The following HSP90AB1 variants were observed in gnomAD, a reference collection of about 807,000 sequenced individuals.
HSP90AB1 encodes the protein heat shock protein HSP 90-beta.
A neutral mutation model predicts 67.8 loss-of-function variants in HSP90AB1; 17 were observed. The ratio of observed to expected loss-of-function variants is 0.25; its 90% CI spans 0.17 to 0.38. The LOEUF is 0.38. HSP90AB1 is among the 10% of genes least tolerant of loss of function. The pLI is 1.00. For synonymous variants in HSP90AB1, 390 were observed against 312.9 expected (o/e 1.25, Z -2.60); for missense variants, 690 against 899.9 (o/e 0.77, Z 2.98).
intron 1 of HSP90AB1, chr6:44,247,897 CTGCGGCGCCCCCTCCT>C (rs1780135894): frequency 6.6e-6 from 1 of 152,224 alleles, no homozygotes; most frequent in Admixed American, 6.5e-5. Flanking sequence ...GGAGGGTGCA[CTGCGGCGCCCCCTCCT>C]CGCGTGGTCC....
chr6:44,253,557 G>T lies in HSP90AB1; in HGVS notation c.2134G>T (p.Glu712Ter), dbSNP rs372383252. The T allele has an allele frequency of 6.2e-7, 1 of 1,614,118 alleles. No individual in the cohort carries two copies. The highest frequency in any genetic ancestry group is 8.5e-7 in the Non-Finnish European group (1 of 1,179,984). The change falls in exon 12 of 12, where the codon GAG becomes TAG. Residue 712 changes from glutamate (E) to a stop codon, truncating the protein, a stop_gained. Coordinates refer to ENST00000371646, the MANE Select transcript of HSP90AB1 (RefSeq NM_007355.4). LOFTEE classifies it high-confidence loss of function. ...AGTTCCTGATGAGATCCCCCCTCTCGAGGGCGATGAGGATGCGTCTCGCAT... is the reference window on the plus strand; with the variant it reads ...AGTTCCTGATGAGATCCCCCCTCTCTAGGGCGATGAGGATGCGTCTCGCAT... Reference protein sequence around the residue: ...AAVPDEIPPLEGDEDASRMEE... With the variant: ...AAVPDEIPPL
At chr6:44,246,561 C>T (rs1001670286), upstream of HSP90AB1, among the ~76,000 whole-genome samples, 1 of 152,226 alleles carries the variant, frequency 6.6e-6, no homozygotes, top group Admixed American at 6.5e-5. Context: ...TGCCCCTCAG[C>T]GCGAACCCTC....
chr6:44,249,091 T>C (rs1345573750), intron 2 of HSP90AB1, among the ~76,000 whole-genome samples: 1 of 152,218 alleles, frequency 6.6e-6, no homozygotes, highest in Non-Finnish European at 1.5e-5. Context: ...GCGTGTTGGC[T>C]CACACCTGTA....
chr6:44,251,347 C>G, intron 7 of HSP90AB1, 71 bp from the exon 8 acceptor site: 2 of 1,534,842 alleles, frequency 1.3e-6, no homozygotes, highest in Non-Finnish European at 1.8e-6. Context: ...TTAGAGCCTT[C>G]TGTTTGAATC....
rs745529589 is a variant in HSP90AB1, at chr6:44,251,099, C to T, written c.1009C>T (p.Arg337Cys). 18 of 1,613,920 alleles carry T rather than the reference C, an allele frequency of 1.1e-5. No homozygotes were observed. The highest frequency in any genetic ancestry group is 2.2e-5 in the East Asian group (1 of 44,896). ...ATTCAGGGCATTGCTATTTATTCCT[C>T]GTCGGGCTCCCTTTGACCTTTTTGA... is the stretch of plus-strand genomic sequence containing the variant. ...LEFRALLFIP[R>C]RAPFDLFENK... Residue 337 changes from arginine to cysteine, a missense_variant, in exon 7 of 12, where the codon CGT becomes TGT. This residue lies in a region of HSP90AB1 where 101 missense variants were observed against 174.8 expected (regional missense o/e 0.58). Coordinates refer to ENST00000371646, the MANE Select transcript of HSP90AB1 (RefSeq NM_007355.4).
In HSP90AB1 at chr6:44,249,369, A is replaced by G. The variant is rs778607294; in HGVS notation, c.148-8A>G. ...AGAGCAAAAGTAAGTTGCTGTTTGT[A>G]TTTCCAGGCCTTGGACAAGATTCGC... On this transcript the variant is annotated splice_polypyrimidine_tract_variant and splice_region_variant and intron_variant, in intron 2 of 11. Transcript: ENST00000371646. The G allele has an allele frequency of 1.2e-6, 2 of 1,611,888 alleles. No individual in the cohort carries two copies. Among genetic ancestry groups the G allele is most frequent in the Non-Finnish European group, 1.7e-6 (2 of 1,178,038 alleles).
At chr6:44,249,340 G>A (rs775080371) in intron 2 of HSP90AB1, 37 bp from the exon 3 acceptor site, 3 of 1,544,772 alleles carry the variant, frequency 1.9e-6, no homozygotes, top group African/African-American at 1.4e-5. Flanking sequence ...AGTCTGTCTT[G>A]GAAAGAGCAA....
chr6:44,249,810 T>G lies in HSP90AB1; in HGVS notation c.490T>G (p.Ser164Ala). Residue 164 changes from serine (S) to alanine (A), a missense_variant, in exon 4 of 12, where the codon TCC (serine) becomes GCC (alanine). Ser to Ala is a moderately conservative substitution (Grantham distance 99, BLOSUM62 1). Transcript: ENST00000371646. Reference protein sequence around the residue: ...QYAWESSAGGSFTVRADHGEP... With the variant: ...QYAWESSAGGAFTVRADHGEP... ...TGCTTGGGAGTCTTCTGCTGGAGGT[T>G]CCTTCACTGTGCGTGCTGACCATGG... 6.2e-7 allele frequency: 1 copy of G among 1,611,906 alleles called. No individual in the cohort carries two copies. The highest frequency in any genetic ancestry group is 8.5e-7 in the Non-Finnish European group (1 of 1,178,800).
rs564816644 is a variant in HSP90AB1 at position 44,253,685 on chromosome 6, TG to T, written c.*89del. 3.3e-3 allele frequency: 3,085 copies of T among 935,374 alleles called. 17 individuals carry two copies. The highest frequency in any genetic ancestry group is 0.013 in the Middle Eastern group (62 of 4,742). 57.9% of individuals were successfully genotyped at this position (935,374 alleles called of 1,614,324 possible). A position where few individuals can be genotyped will look rare whatever the true frequency, so the allele number is the denominator to read the frequency against. On this transcript the variant is annotated 3_prime_UTR_variant, in exon 12 of 12. Transcript: ENST00000371646. ...CAGCCTCGAGTGCCCCTGTCCCACC[TG>T]GCTCCCCCTGCTGGTGTCTAGTGTT...
chr6:44,252,905 G>A (rs951843430), intron 10 of HSP90AB1, 140 bp from the exon 11 acceptor site: 278 of 658,982 alleles, frequency 4.2e-4, no homozygotes, highest in Non-Finnish European at 5.8e-4. Context: ...TTGTAGACAG[G>A]GTTTTGCCAT....
In HSP90AB1 at chr6:44,253,028, T is replaced by C. The variant is rs1247741895; in HGVS notation, c.1732-17T>C. 1 of 1,604,890 alleles carries C rather than the reference T, an allele frequency of 6.2e-7. No homozygotes were observed. The highest frequency in any genetic ancestry group is 1.3e-5 in the African/African-American group (1 of 74,676). On this transcript the variant is annotated splice_polypyrimidine_tract_variant and intron_variant, in intron 10 of 11. Coordinates refer to ENST00000371646, the MANE Select transcript of HSP90AB1 (RefSeq NM_007355.4). The stretch of plus-strand genomic sequence containing the variant: ...AAAGTGGTAATGTCAATCTAAGGCT[T>C]TTGTGATCGTCCACAGGTGACAATC...
Position 44,249,828 on chromosome 6 carries a change from G to C in HSP90AB1, c.508G>C (p.Asp170His). ...TGGAGGTTCCTTCACTGTGCGTGCT[G>C]ACCATGGTAAGTTAGCTTTTCTGTT... ...SAGGSFTVRADHGEPIGRGTK... is the reference protein window; with the variant it reads ...SAGGSFTVRAHHGEPIGRGTK... The change falls in exon 4 of 12, where the codon GAC becomes CAC. Residue 170 changes from aspartate (D) to histidine (H), a missense_variant. By Grantham distance (81) the Asp-to-His change is moderately conservative. Coordinates refer to ENST00000371646, the MANE Select transcript of HSP90AB1 (RefSeq NM_007355.4). 1 of 1,605,816 alleles carries C rather than the reference G, an allele frequency of 6.2e-7. No individual in the cohort carries two copies. The highest frequency in any genetic ancestry group is 8.5e-7 in the Non-Finnish European group (1 of 1,175,506).
intron 5 of HSP90AB1, 24 bp from the exon 6 acceptor site, chr6:44,250,267 C>T: frequency 6.2e-7 from 1 of 1,611,806 alleles, no homozygotes; most frequent in South Asian, 1.1e-5. Flanking sequence ...TACTCCAAGG[C>T]TAACTTCTGT....
chr6:44,249,614 T>G, intron 3 of HSP90AB1, 31 bp downstream of exon 3: 3 of 1,611,372 alleles, frequency 1.9e-6, no homozygotes, highest in African/African-American at 1.3e-5. Flanking sequence ...TTCATACTTA[T>G]CTGTGTTCTT....
At chr6:44,250,973 C>T in intron 6 of HSP90AB1, 75 bp from the exon 7 acceptor site, 2 of 1,288,120 alleles carry the variant, frequency 1.6e-6, no homozygotes, top group Non-Finnish European at 1.1e-6. Flanking sequence ...ATCATTGTTC[C>T]ACTTTTAGAT....
At chr6:44,252,848 T>C (rs902704543) in intron 10 of HSP90AB1, among the ~76,000 whole-genome samples, 197 bp from the exon 11 acceptor site, 3 of 151,730 alleles carry the variant, frequency 2.0e-5, no homozygotes, top group South Asian at 2.1e-4. Context: ...TCAAGTCTCC[T>C]GAGTGGCTGG....
At chr6:44,247,778 T>A (rs1780109794) in intron 1 of HSP90AB1, 1 of 152,206 alleles carries the variant, frequency 6.6e-6, no homozygotes, top group African/African-American at 2.4e-5. Context: ...GGGGAGCAGG[T>A]TCTGGAAGAT....
intron 8 of HSP90AB1, 38 bp from the exon 9 acceptor site, chr6:44,251,699 G>C (rs759224540): frequency 1.2e-6 from 2 of 1,604,822 alleles, no homozygotes; most frequent in Non-Finnish European, 1.7e-6. Flanking sequence ...AGTTATTGTA[G>C]TTAAGCTGGA....
chr6:44,252,906 G>A, intron 10 of HSP90AB1, 139 bp from the exon 11 acceptor site: 1 of 664,054 alleles, frequency 1.5e-6, no homozygotes, highest in Non-Finnish European at 2.6e-6. Context: ...TGTAGACAGG[G>A]TTTTGCCATG....
Sources: allele counts gnomAD v4.1 joint callset (sites outside exome capture counted in the v4.1 genomes callset), GRCh38; gene constraint gnomAD v4.1.1; regional missense constraint gnomAD v4.1.1; transcripts MANE v1.5; gene names NCBI Gene and HGNC (gene_info 2026-07-23, HGNC 2026-07-21).